RELN: variants seen among roughly 807,000 people sequenced by gnomAD.
RELN encodes the protein reelin.
RELN carries 108 observed loss-of-function variants against 427.6 expected under a neutral mutation model. The ratio of observed to expected loss-of-function variants is 0.25; its 90% CI spans 0.22 to 0.30. The LOEUF (loss-of-function observed/expected upper bound fraction) is 0.30. RELN is among the 10% of genes least tolerant of loss of function. The probability of loss-of-function intolerance (pLI) is 1.00; values close to 1 mark genes in which losing one functional copy is unlikely to be tolerated. For missense variants in RELN, 3,715 were observed against 4,302.8 expected (o/e 0.86, Z 3.82); for synonymous variants, 1,524 against 1,513.4 (o/e 1.01, Z -0.16).
chr7:103,687,032 G>GCT (rs1254618070), intron 10 of RELN, among the ~76,000 whole-genome samples: 1 of 151,720 alleles, frequency 6.6e-6, no homozygotes, highest in East Asian at 1.9e-4. Context: ...CTTAAGGAGT[G>GCT]TTTTTTTTCT....
intron 8 of RELN, among the ~76,000 whole-genome samples, chr7:103,710,020 A>G (rs1789754356): frequency 6.6e-6 from 1 of 152,232 alleles, no homozygotes; most frequent in South Asian, 2.1e-4. Context: ...GACAAATGTC[A>G]GAATGTGAAC....
chr7:103,740,575 A>G (rs902335636), intron 6 of RELN, among the ~76,000 whole-genome samples: 2 of 152,206 alleles, frequency 1.3e-5, no homozygotes, highest in Non-Finnish European at 2.9e-5. Context: ...AGAGTAACTT[A>G]TCTGTTACCT....
At chr7:103,975,597 G>C (rs184066530) in intron 1 of RELN, among the ~76,000 whole-genome samples, 62 of 151,342 alleles carry the variant, frequency 4.1e-4, no homozygotes, top group East Asian at 1.6e-3. Flanking sequence ...GCCCAGGCTG[G>C]AGTAGTGGTG....
At chr7:103,844,744 G>A (rs1286213515) in intron 2 of RELN, among the ~76,000 whole-genome samples, 1 of 152,208 alleles carries the variant, frequency 6.6e-6, no homozygotes. Flanking sequence ...GAATGATTAA[G>A]TAAAACAATT....
rs1166001367 is a variant in RELN at position 103,563,913 on chromosome 7, T to C, written c.5210+1365A>G. ...AGCTGAGGAGCAATAGGCTATATCA[T>C]ACAGCATAGGTGTGTAATAGGCTAA... On this transcript the variant is annotated intron_variant, in intron 34 of 64. Transcript: ENST00000428762. The surrounding 1 kb of genome is among the most constrained non-coding windows in gnomAD (Gnocchi z 4.1). 1.3e-5 allele frequency among the ~76,000 whole-genome samples: 2 copies of C among 152,256 alleles called. No individual in the cohort carries two copies. Among genetic ancestry groups the C allele is most frequent in the African/African-American group, 2.4e-5 (1 of 41,480 alleles).
chr7:103,858,357 G>T (rs1054163650), intron 2 of RELN, among the ~76,000 whole-genome samples: 2 of 152,168 alleles, frequency 1.3e-5, no homozygotes, highest in Non-Finnish European at 2.9e-5. Flanking sequence ...CATAGTAAGT[G>T]CCCAGTAAAT....
intron 3 of RELN, among the ~76,000 whole-genome samples, chr7:103,799,190 A>T (rs1010613949): frequency 1.3e-5 from 2 of 152,212 alleles, no homozygotes; most frequent in African/African-American, 4.8e-5. Flanking sequence ...TAATTTAGAG[A>T]TTCCAATACT....
intron 46 of RELN, among the ~76,000 whole-genome samples, chr7:103,530,877 T>C (rs1019020974): frequency 6.6e-6 from 1 of 152,206 alleles, no homozygotes; most frequent in African/African-American, 2.4e-5. Context: ...CTAAATTATA[T>C]AGAGCAGGTA....
intron 1 of RELN, among the ~76,000 whole-genome samples, chr7:103,945,255 C>A (rs1302960688): frequency 1.3e-5 from 2 of 152,148 alleles, no homozygotes; most frequent in African/African-American, 4.8e-5. Flanking sequence ...CCTAACCCAA[C>A]CCCTGCCAAA....
At chr7:103,663,624 G>A (rs1833193081) in intron 11 of RELN, among the ~76,000 whole-genome samples, 2 of 152,140 alleles carry the variant, frequency 1.3e-5, no homozygotes, top group Non-Finnish European at 2.9e-5. Context: ...CCTTGTACTT[G>A]TACTTAATGC....
At chr7:103,879,077 C>A (rs1044660440) in intron 2 of RELN, among the ~76,000 whole-genome samples, 1 of 152,208 alleles carries the variant, frequency 6.6e-6, no homozygotes, top group Non-Finnish European at 1.5e-5. Flanking sequence ...TTGTTAACTA[C>A]ATCCTCTTCA....
At chr7:103,954,711 T>C (rs1796399679) in intron 1 of RELN, among the ~76,000 whole-genome samples, 1 of 152,202 alleles carries the variant, frequency 6.6e-6, no homozygotes, top group Non-Finnish European at 1.5e-5. Flanking sequence ...AGAGATATTA[T>C]AATTAGGTTA....
chr7:103,931,952 T>C (rs963975740), intron 1 of RELN, among the ~76,000 whole-genome samples: 1 of 152,184 alleles, frequency 6.6e-6, no homozygotes, highest in African/African-American at 2.4e-5. Context: ...TGTAAATTAG[T>C]TCAACCATTG....
chr7:103,929,309 G>C (rs1795810733), intron 1 of RELN, among the ~76,000 whole-genome samples: 1 of 152,046 alleles, frequency 6.6e-6, no homozygotes, highest in African/African-American at 2.4e-5. Flanking sequence ...TAACCACCTT[G>C]AGCTTCAACT....
intron 3 of RELN, among the ~76,000 whole-genome samples, chr7:103,811,424 G>A (rs975590761): frequency 6.6e-6 from 1 of 152,134 alleles, no homozygotes; most frequent in African/African-American, 2.4e-5. Context: ...TGCATCTTAT[G>A]AATTAAACAT....
At chr7:103,789,366 T>G (rs1250277529) in intron 3 of RELN, among the ~76,000 whole-genome samples, 1 of 152,144 alleles carries the variant, frequency 6.6e-6, no homozygotes, top group South Asian at 2.1e-4. Flanking sequence ...AAAGAGCTTC[T>G]GTAGAGCAAA....
At chr7:103,636,924 A>G (rs753723616) in intron 17 of RELN, among the ~76,000 whole-genome samples, 1 of 152,216 alleles carries the variant, frequency 6.6e-6, no homozygotes, top group Non-Finnish European at 1.5e-5. Flanking sequence ...AAATATTTAG[A>G]AACTATTGGA....
chr7:103,890,303 A>G (rs1524802), intron 2 of RELN, among the ~76,000 whole-genome samples: 118,357 of 151,680 alleles, frequency 0.78, 46,202 homozygotes, highest in East Asian at 0.87. Flanking sequence ...GAAGATTGTC[A>G]TTGGGATTCA....
intron 4 of RELN, among the ~76,000 whole-genome samples, chr7:103,754,423 A>G (rs935554998): frequency 6.6e-6 from 1 of 151,878 alleles, no homozygotes; most frequent in East Asian, 1.9e-4. Flanking sequence ...AATCGTTATC[A>G]AGCAGGAGGT....
Sources: allele counts gnomAD v4.1 joint callset (sites outside exome capture counted in the v4.1 genomes callset), GRCh38; gene constraint gnomAD v4.1.1; non-coding constraint Gnocchi (gnomAD v3.1); transcripts MANE v1.5; gene names NCBI Gene and HGNC (gene_info 2026-07-23, HGNC 2026-07-21).